Variants in OSBPL5 observed in about 807,000 individuals in gnomAD.
OSBPL5 encodes oxysterol-binding protein-related protein 5.
A neutral mutation model predicts 111.2 loss-of-function variants in OSBPL5; 71 were observed. That is an observed-to-expected ratio of 0.64 (90% CI 0.53 to 0.78). OSBPL5 has a LOEUF of 0.78. Among genes scored for constraint, OSBPL5 ranks in the 30% least tolerant of loss-of-function variants. OSBPL5 has a pLI of 0.00. For missense variants in OSBPL5, 1,210 were observed against 1,189.3 expected (o/e 1.02, Z -0.26); for synonymous variants, 549 against 513.9 (o/e 1.07, Z -0.93).
chr11:3,092,552 G>A lies in OSBPL5; in HGVS notation c.2139C>T (p.Ser713=). 1 of 1,589,772 alleles carries A rather than the reference G, an allele frequency of 6.3e-7. No homozygotes were observed. Among genetic ancestry groups the A allele is most frequent in the Non-Finnish European group, 8.6e-7 (1 of 1,168,128 alleles). ...CGATGTCCTTCAGGGGGTCCCAGGG[G>A]CTGTGGCTGGAGGGTCCAGAGGGCG... is the stretch of plus-strand genomic sequence containing the variant. The part of the protein sequence containing the change: ...QEWHYRYEDH[S]PWDPLKDIAQ... The change falls in exon 19 of 22, where the codon AGC becomes AGT. Residue 713 remains serine, a synonymous_variant. Transcript: ENST00000263650. This position sits in a 1 kb window ranked among gnomAD's most constrained non-coding sequence, Gnocchi z 5.4.
In OSBPL5 at chr11:3,109,057, C is replaced by A. The variant is rs1247187708; in HGVS notation, c.692-1112G>T. Among the ~76,000 whole-genome samples the A allele has an allele frequency of 6.8e-6, 1 of 147,726 alleles. No homozygotes were observed. Among genetic ancestry groups the A allele is most frequent in the African/African-American group, 2.5e-5 (1 of 39,900 alleles). On this transcript the variant is annotated intron_variant, in intron 7 of 21. Transcript: ENST00000263650. This position sits in a 1 kb window ranked among gnomAD's most constrained non-coding sequence, Gnocchi z 7.4. ...TGCTGGGATTACAGGTGTGAGCCACCACACCGGGTCAATAAGTGTGTTTTT... is the reference window on the plus strand; with the variant it reads ...TGCTGGGATTACAGGTGTGAGCCACAACACCGGGTCAATAAGTGTGTTTTT...
chr11:3,135,872 C>T (rs1481154059), intron 1 of OSBPL5, among the ~76,000 whole-genome samples: 6 of 152,182 alleles, frequency 3.9e-5, no homozygotes, highest in Non-Finnish European at 7.3e-5. Context: ...CTAGGAGTTG[C>T]GGAGGGGACA....
chr11:3,111,731 GA>G (rs112039718), intron 7 of OSBPL5, among the ~76,000 whole-genome samples: 7 of 148,524 alleles, frequency 4.7e-5, no homozygotes, highest in African/African-American at 4.9e-5. Flanking sequence ...CCAGCAAAAG[GA>G]AAAAAAAAAG....
intron 11 of OSBPL5, among the ~76,000 whole-genome samples, chr11:3,102,531 G>A (rs890937560): frequency 6.6e-6 from 1 of 152,184 alleles, no homozygotes; most frequent in African/African-American, 2.4e-5. Flanking sequence ...GAAGGGACAC[G>A]AGACCCTGAC....
At chr11:3,156,989 G>A (rs772805224) in intron 1 of OSBPL5, among the ~76,000 whole-genome samples, 4 of 152,236 alleles carry the variant, frequency 2.6e-5, no homozygotes, top group South Asian at 2.1e-4. Flanking sequence ...ACTGCACCCC[G>A]TCCACAAGGT....
chr11:3,122,528 G>C, intron 3 of OSBPL5, 100 bp from the exon 4 acceptor site: 3 of 1,066,730 alleles, frequency 2.8e-6, no homozygotes, highest in Non-Finnish European at 4.1e-6. Context: ...GCAGAAGTCA[G>C]AGAAGGGCGC....
At chr11:3,163,065 C>T (rs770533663) in intron 1 of OSBPL5, among the ~76,000 whole-genome samples, 15 of 152,214 alleles carry the variant, frequency 9.9e-5, no homozygotes, top group Non-Finnish European at 1.6e-4. Context: ...CCTTTTGGCA[C>T]TGTGCAACCC....
In OSBPL5 at chr11:3,103,703, CGTACCCCCTTCCAGG is replaced by C. The variant is rs1564829454; in HGVS notation, c.1245-398_1245-384del. Reference sequence around the variant, plus strand: ...GTCTCTGCAGCCCCCTTCCAGCCTGCGTACCCCCTTCCAGGCTCTGCTGCCCCTTCCTGCCTCTGC... The same window carrying C: ...GTCTCTGCAGCCCCCTTCCAGCCTGCCTCTGCTGCCCCTTCCTGCCTCTGC... On this transcript the variant is annotated intron_variant, in intron 10 of 21. Coordinates refer to ENST00000263650, the MANE Select transcript of OSBPL5 (RefSeq NM_020896.4). Among the ~76,000 whole-genome samples the C allele has an allele frequency of 2.3e-3, 276 of 117,988 alleles. 9 individuals carry two copies. Among genetic ancestry groups the C allele is most frequent in the Non-Finnish European group, 3.6e-3 (205 of 57,574 alleles). The allele number at this position is 117,988 out of a possible 152,430, so 77.4% of individuals were successfully genotyped here.
At chr11:3,100,600 C>T (rs1024704307) in intron 13 of OSBPL5, among the ~76,000 whole-genome samples, 13 of 152,128 alleles carry the variant, frequency 8.5e-5, no homozygotes, top group African/African-American at 2.9e-4. Context: ...GGAGGGAGTA[C>T]GCCTCGCTTG....
At chr11:3,150,239 A>G (rs571712111) in intron 1 of OSBPL5, among the ~76,000 whole-genome samples, 10 of 152,328 alleles carry the variant, frequency 6.6e-5, no homozygotes, top group African/African-American at 2.4e-4. Context: ...CTCGGGAGCC[A>G]GGGTCCCAAG....
intron 10 of OSBPL5, among the ~76,000 whole-genome samples, chr11:3,103,913 T>A (rs71457963): frequency 0.38 from 51,921 of 136,452 alleles, 12,208 homozygotes; most frequent in East Asian, 0.79. Flanking sequence ...GCCCCCTTCC[T>A]GCCTCTGCAG....
chr11:3,114,831 G>A (rs562576198), intron 7 of OSBPL5, among the ~76,000 whole-genome samples: 1 of 152,082 alleles, frequency 6.6e-6, no homozygotes, highest in Non-Finnish European at 1.5e-5. Flanking sequence ...TTGATCTCCT[G>A]ACTTCGTGAT....
chr11:3,157,209 G>A (rs1317997667), intron 1 of OSBPL5, among the ~76,000 whole-genome samples: 2 of 152,202 alleles, frequency 1.3e-5, no homozygotes, highest in Non-Finnish European at 1.5e-5. Context: ...GAAAGCAAGC[G>A]GTGCTTCCCG....
In OSBPL5 at chr11:3,162,445, G is replaced by A. The variant is rs552437232; in HGVS notation, c.-22+2771C>T. ...CTCAAGCCCTGGTCCTGAGGACACA[G>A]CTGGTGCCCACTCCGCTTAGTGTAG... On this transcript the variant is annotated intron_variant, in intron 1 of 21. Coordinates refer to ENST00000263650, the MANE Select transcript of OSBPL5 (RefSeq NM_020896.4). This position sits in a 1 kb window ranked among gnomAD's most constrained non-coding sequence, Gnocchi z 8.1. Among the ~76,000 whole-genome samples, 1 of 151,914 alleles carries A rather than the reference G, an allele frequency of 6.6e-6. No homozygotes were observed. The highest frequency in any genetic ancestry group is 1.9e-4 in the East Asian group (1 of 5,138).
chr11:3,150,318 G>T (rs1416142933), intron 1 of OSBPL5, among the ~76,000 whole-genome samples: 1 of 152,068 alleles, frequency 6.6e-6, no homozygotes, highest in Non-Finnish European at 1.5e-5. Flanking sequence ...TAAAAAAAAA[G>T]TTTTTTGGTT....
At chr11:3,115,049 T>C (rs1858163124) in intron 7 of OSBPL5, among the ~76,000 whole-genome samples, 1 of 152,234 alleles carries the variant, frequency 6.6e-6, no homozygotes. Context: ...AACACTTCCC[T>C]TCAACTCATT....
intron 1 of OSBPL5, among the ~76,000 whole-genome samples, chr11:3,129,743 C>A (rs544455121): frequency 6.6e-6 from 1 of 152,214 alleles, no homozygotes; most frequent in Non-Finnish European, 1.5e-5. Context: ...GGTGCCCCAA[C>A]AGTTTCAGTT....
Position 3,126,893 on chromosome 11 carries a change from G to T in OSBPL5, c.137-338C>A, listed in dbSNP as rs1001841305. ...CCAGAGTCCCCAGTTTTCAGAAAAA[G>T]AATGTGACATCCAGTCTCAAAGACA... On this transcript the variant is annotated intron_variant, in intron 2 of 21. Transcript: ENST00000263650. This position sits in a 1 kb window ranked among gnomAD's most constrained non-coding sequence, Gnocchi z 6.5. Among the ~76,000 whole-genome samples the T allele has an allele frequency of 3.5e-4, 54 of 152,198 alleles. No homozygotes were observed. The highest frequency in any genetic ancestry group is 1.2e-3 in the African/African-American group (49 of 41,448).
At chr11:3,093,956 A>G in intron 15 of OSBPL5, 121 bp from the exon 16 acceptor site, 3 of 1,242,262 alleles carry the variant, frequency 2.4e-6, no homozygotes, top group Non-Finnish European at 3.3e-6. Flanking sequence ...GGAGGGATGG[A>G]CCCAACCCTC....
Sources: gnomAD v4.1 joint callset for allele counts (sites outside exome capture counted in the v4.1 genomes callset) on GRCh38, gnomAD v4.1.1 for gene constraint, Gnocchi (gnomAD v3.1) non-coding constraint, MANE v1.5 for transcripts, NCBI Gene and HGNC (gene_info 2026-07-23, HGNC 2026-07-21) for gene names.